Variants in XXYLT1 observed in about 807,000 individuals in gnomAD.
XXYLT1 encodes UDP-xylose:alpha-xyloside alpha-1,3-xylosyltransferase.
Under a neutral mutation model 28.9 loss-of-function variants are expected in XXYLT1, and 20 were observed. That is an observed-to-expected ratio of 0.69 (90% CI 0.49 to 1.00). The LOEUF (loss-of-function observed/expected upper bound fraction) is 1.00, where lower values mean the gene tolerates loss of function less well. XXYLT1 is among the 50% of genes least tolerant of loss of function. XXYLT1 has a pLI of 0.00. For missense variants in XXYLT1, 542 were observed against 560.1 expected (o/e 0.97, Z 0.33); for synonymous variants, 257 against 253.8 (o/e 1.01, Z -0.12).
chr3:195,270,876 C>A lies in XXYLT1; in HGVS notation c.183G>T (p.Gly61=). 2.1e-6 allele frequency: 3 copies of A among 1,416,498 alleles called. No homozygotes were observed. Among genetic ancestry groups the A allele is most frequent in the Non-Finnish European group, 2.8e-6 (3 of 1,089,476 alleles). The allele number at this position is 1,416,498 out of a possible 1,614,324, so 87.7% of individuals were successfully genotyped here. A position where few individuals can be genotyped will look rare whatever the true frequency, so the allele number is the denominator to read the frequency against. Residue 61 remains glycine (G), a synonymous_variant, in exon 1 of 4, where the codon GGG becomes GGT. Coordinates refer to ENST00000310380, the MANE Select transcript of XXYLT1 (RefSeq NM_152531.5). ...ATKRLKEARA[G]APAAPSPPAL... ...CGGGCGGCGAGGGCGCGGCGGGAGC[C>A]CCGGCGCGGGCCTCCTTCAGCCTCT...
rs138027705 is a variant in XXYLT1, at chr3:195,071,342, A to C, written c.786-1231T>G. ...CAGGATAGGATCTGCGTGATGAAGCAGAAGGTACGGGGGAATAAAACCGGA... is the reference window on the plus strand; with the variant it reads ...CAGGATAGGATCTGCGTGATGAAGCCGAAGGTACGGGGGAATAAAACCGGA... On this transcript the variant is annotated intron_variant, in intron 3 of 3. Coordinates refer to ENST00000310380, the MANE Select transcript of XXYLT1 (RefSeq NM_152531.5). Among the ~76,000 whole-genome samples the C allele has an allele frequency of 9.2e-5, 14 of 152,336 alleles. No homozygotes were observed. The East Asian group carries it at 1.9e-3, about 21-fold the overall frequency.
chr3:195,088,277 A>G lies in XXYLT1; in HGVS notation c.786-18166T>C, dbSNP rs562382810. 6.8e-3 allele frequency among the ~76,000 whole-genome samples: 1,015 copies of G among 149,206 alleles called. 2 individuals are homozygous for G. The highest frequency in any genetic ancestry group is 0.012 in the Non-Finnish European group (779 of 66,486). ...ACAGCAGTAACCTCTGCAGACTTAA[A>G]GGTCCCTGTCTGACAGCTTTGAAGA... On this transcript the variant is annotated intron_variant, in intron 3 of 3. Transcript: ENST00000310380.
At chr3:195,144,751 G>A (rs1168359888) in intron 3 of XXYLT1, among the ~76,000 whole-genome samples, 1 of 152,148 alleles carries the variant, frequency 6.6e-6, no homozygotes, top group Non-Finnish European at 1.5e-5. Context: ...CTTTTATGCA[G>A]AAGTGTGTTT....
chr3:195,207,390 A>C, intron 2 of XXYLT1: 1 of 445,796 alleles, frequency 2.2e-6, no homozygotes, highest in Admixed American at 2.4e-5. Flanking sequence ...GGAGGTTCTC[A>C]GGCAACAGGA....
In XXYLT1 at chr3:195,176,565, A is replaced by C. The variant is rs1721675836; in HGVS notation, c.653-19984T>G. ...TCCACCCCTCTGACACACTGGTATA[A>C]TTTGATTAATTTATCGTGTTTATTA... On this transcript the variant is annotated intron_variant, in intron 2 of 3. Coordinates refer to ENST00000310380, the MANE Select transcript of XXYLT1 (RefSeq NM_152531.5). This position sits in a 1 kb window ranked among gnomAD's most constrained non-coding sequence, Gnocchi z 4.9. Among the ~76,000 whole-genome samples, 1 of 152,158 alleles carries C rather than the reference A, an allele frequency of 6.6e-6. No individual in the cohort carries two copies. The highest frequency in any genetic ancestry group is 1.5e-5 in the Non-Finnish European group (1 of 68,036).
rs1290769582 is a variant in XXYLT1, at chr3:195,173,815, G to A, written c.653-17234C>T. ...GAGAGCACCCAGCTCCCACCAGGGA[G>A]TCCCTCCTATGGGCCATGAGTGGCA... On this transcript the variant is annotated intron_variant, in intron 2 of 3. Transcript: ENST00000310380. The surrounding 1 kb of genome is among the most constrained non-coding windows in gnomAD (Gnocchi z 4.3). 1.3e-5 allele frequency among the ~76,000 whole-genome samples: 2 copies of A among 152,248 alleles called. No individual in the cohort carries two copies. The highest frequency in any genetic ancestry group is 2.9e-5 in the Non-Finnish European group (2 of 68,038).
chr3:195,080,548 T>TG (rs1303447545), intron 3 of XXYLT1, among the ~76,000 whole-genome samples: 3 of 31,298 alleles, frequency 9.6e-5, no homozygotes, highest in Admixed American at 5.9e-4. Context: ...GGAGCGGGGG[T>TG]GGGGGGGATG....
chr3:195,224,279 A>G (rs986139614), intron 2 of XXYLT1, among the ~76,000 whole-genome samples: 1 of 152,208 alleles, frequency 6.6e-6, no homozygotes, highest in Non-Finnish European at 1.5e-5. Flanking sequence ...CTCCTGATGC[A>G]TGCCCCTCAG....
intron 3 of XXYLT1, among the ~76,000 whole-genome samples, chr3:195,144,858 C>T (rs964261230): frequency 6.6e-5 from 10 of 152,182 alleles, no homozygotes; most frequent in African/African-American, 2.2e-4. Flanking sequence ...GGTCACACTC[C>T]GTACCCCTCC....
intron 1 of XXYLT1, among the ~76,000 whole-genome samples, chr3:195,235,635 G>A (rs1478422011): frequency 6.6e-6 from 1 of 152,138 alleles, no homozygotes; most frequent in African/African-American, 2.4e-5. Context: ...TTTGCAGTCT[G>A]GGTTTGTTTG....
rs1262013669 is a variant in XXYLT1, at chr3:195,173,956, G to A, written c.653-17375C>T. Among the ~76,000 whole-genome samples, 3 of 152,210 alleles carry A rather than the reference G, an allele frequency of 2.0e-5. No homozygotes were observed. The highest frequency in any genetic ancestry group is 1.9e-4 in the East Asian group (1 of 5,196). ...GGTGAGAACAGCCGCTGGCTCCCTC[G>A]GGTTGCAGGAGCAGAGTGACATACT... is the stretch of plus-strand genomic sequence containing the variant. On this transcript the variant is annotated intron_variant, in intron 2 of 3. Coordinates refer to ENST00000310380, the MANE Select transcript of XXYLT1 (RefSeq NM_152531.5). This position sits in a 1 kb window ranked among gnomAD's most constrained non-coding sequence, Gnocchi z 4.3.
chr3:195,199,075 T>G (rs1375216387), intron 2 of XXYLT1, among the ~76,000 whole-genome samples: 2 of 152,228 alleles, frequency 1.3e-5, no homozygotes, highest in African/African-American at 4.8e-5. Flanking sequence ...GAAAGGAATC[T>G]GCAGGCTGAA....
chr3:195,194,071 T>TTTGTGCATA (rs1722529074), intron 2 of XXYLT1, among the ~76,000 whole-genome samples: 1 of 151,930 alleles, frequency 6.6e-6, no homozygotes, highest in African/African-American at 2.4e-5. Context: ...ACTTCAACAT[T>TTTGTGCATA]AAAAATTTTG....
intron 3 of XXYLT1, among the ~76,000 whole-genome samples, chr3:195,109,346 C>T (rs577324755): frequency 1.7e-3 from 257 of 151,458 alleles, no homozygotes; most frequent in African/African-American, 6.0e-3. Flanking sequence ...CGTGTGTGTG[C>T]GTGTATGGTG....
chr3:195,260,335 C>CG (rs919050169), intron 1 of XXYLT1, among the ~76,000 whole-genome samples: 6 of 152,088 alleles, frequency 3.9e-5, no homozygotes, highest in Admixed American at 1.3e-4. Flanking sequence ...CCTCTCCAGA[C>CG]GGGGGGCCCC....
intron 3 of XXYLT1, among the ~76,000 whole-genome samples, chr3:195,147,242 T>A (rs986263738): frequency 1.3e-5 from 2 of 152,138 alleles, no homozygotes; most frequent in African/African-American, 4.8e-5. Context: ...ATGGGACCAA[T>A]CCTATGGCTC....
intron 3 of XXYLT1, among the ~76,000 whole-genome samples, chr3:195,110,535 G>A (rs1409838200): frequency 8.3e-4 from 45 of 53,930 alleles, no homozygotes; most frequent in Admixed American, 1.8e-3. Context: ...GTGTACGTGT[G>A]CGTGTGTGTG....
intron 1 of XXYLT1, among the ~76,000 whole-genome samples, chr3:195,228,817 C>CTTTT (rs201938499): frequency 4.8e-5 from 7 of 145,508 alleles, no homozygotes; most frequent in African/African-American, 1.3e-4. Context: ...ATATGTATCT[C>CTTTT]TTTTTTTTTT....
intron 3 of XXYLT1, among the ~76,000 whole-genome samples, chr3:195,145,275 T>A (rs902924993): frequency 6.6e-6 from 1 of 151,876 alleles, no homozygotes; most frequent in Admixed American, 6.6e-5. Context: ...GGAAGCCACG[T>A]GAATGGGCAC....
Sources: allele counts gnomAD v4.1 joint callset (sites outside exome capture counted in the v4.1 genomes callset), GRCh38; gene constraint gnomAD v4.1.1; non-coding constraint Gnocchi (gnomAD v3.1); transcripts MANE v1.5; gene names NCBI Gene and HGNC (gene_info 2026-07-23, HGNC 2026-07-21).